UTRN: variants seen among roughly 807,000 people sequenced by gnomAD.
UTRN encodes the protein dystrophin-related protein 1.
In UTRN, 283 loss-of-function variants were observed where a neutral mutation model predicts 463.9. The ratio of observed to expected loss-of-function variants is 0.61; its 90% confidence interval spans 0.55 to 0.67. The LOEUF is 0.67. Ranked by LOEUF, UTRN falls within the 30% of genes least tolerant of loss-of-function variation. The pLI is 0.00. For synonymous variants in UTRN, 1,442 were observed against 1,431.5 expected (o/e 1.01, Z -0.17); for missense variants, 3,922 against 4,084.3 (o/e 0.96, Z 1.08).
intron 2 of UTRN, among the ~76,000 whole-genome samples, chr6:144,317,989 G>A (rs1251211812): frequency 6.6e-6 from 1 of 151,874 alleles, no homozygotes; most frequent in Non-Finnish European, 1.5e-5. Flanking sequence ...CCTCACGACT[G>A]TATGTTTCAC....
chr6:144,793,165 A>AAT (rs555362048), intron 62 of UTRN, among the ~76,000 whole-genome samples: 12 of 152,284 alleles, frequency 7.9e-5, no homozygotes, highest in South Asian at 2.1e-4. Flanking sequence ...AATAAGTTAT[A>AAT]ATATATATAC....
chr6:144,521,584 T>C (rs1321229655), intron 39 of UTRN, among the ~76,000 whole-genome samples: 1 of 152,148 alleles, frequency 6.6e-6, no homozygotes, highest in Non-Finnish European at 1.5e-5. Context: ...TTTAAAATTG[T>C]GATATTTTTA....
chr6:144,300,106 C>T (rs558968296), intron 2 of UTRN, among the ~76,000 whole-genome samples: 92 of 147,634 alleles, frequency 6.2e-4, no homozygotes, highest in Non-Finnish European at 1.1e-3. Context: ...TTTTTTGAGC[C>T]GTAGTCTTCC....
intron 50 of UTRN, among the ~76,000 whole-genome samples, chr6:144,570,518 C>T (rs1490700276): frequency 6.6e-6 from 1 of 152,132 alleles, no homozygotes; most frequent in African/African-American, 2.4e-5. Flanking sequence ...ATCCAAAATC[C>T]ATATTTTTTT....
chr6:144,706,826 T>C (rs1785147902), intron 53 of UTRN: 2 of 152,296 alleles, frequency 1.3e-5, no homozygotes, highest in South Asian at 4.1e-4. Flanking sequence ...TGCTAAATTC[T>C]CCACTACAAT....
chr6:144,755,003 C>T (rs142348774), intron 57 of UTRN, among the ~76,000 whole-genome samples: 5 of 152,054 alleles, frequency 3.3e-5, no homozygotes, highest in Admixed American at 6.6e-5. Flanking sequence ...CAAGGTGGAA[C>T]AGAAATGAAC....
chr6:144,561,675 A>C (rs1284780115), intron 50 of UTRN, among the ~76,000 whole-genome samples: 1 of 152,136 alleles, frequency 6.6e-6, no homozygotes, highest in Non-Finnish European at 1.5e-5. Context: ...TTCTGTGCTA[A>C]CCTATAGGAA....
intron 38 of UTRN, 58 bp from the exon 39 acceptor site, chr6:144,516,753 G>T: frequency 7.5e-7 from 1 of 1,339,236 alleles, no homozygotes; most frequent in East Asian, 2.7e-5. Flanking sequence ...GAGTTGATAG[G>T]AAGTGACCTT....
chr6:144,382,716 G>T (rs920402976), intron 2 of UTRN, among the ~76,000 whole-genome samples: 2 of 152,198 alleles, frequency 1.3e-5, no homozygotes, highest in Non-Finnish European at 2.9e-5. Context: ...TACCTTATAA[G>T]GCTGTTGGGA....
chr6:144,290,879 A>G (rs556763023), intron 1 of UTRN, among the ~76,000 whole-genome samples: 1 of 146,904 alleles, frequency 6.8e-6, no homozygotes, highest in African/African-American at 2.5e-5. Flanking sequence ...ATTCTCCTGC[A>G]TTAGCCTCCT....
chr6:144,529,980 A>G (rs1461443874), intron 41 of UTRN, among the ~76,000 whole-genome samples: 1 of 152,162 alleles, frequency 6.6e-6, no homozygotes, highest in Non-Finnish European at 1.5e-5. Context: ...GCCATCTTTA[A>G]AAGAGTTTGG....
chr6:144,798,134 A>G, intron 64 of UTRN, 144 bp downstream of exon 64: 1 of 1,091,188 alleles, frequency 9.2e-7, no homozygotes, highest in Middle Eastern at 2.5e-4. Flanking sequence ...TCATCTATCT[A>G]AAAGTAGCAT....
At chr6:144,535,684 G>T (rs962434086) in intron 43 of UTRN, among the ~76,000 whole-genome samples, 2 of 152,200 alleles carry the variant, frequency 1.3e-5, no homozygotes, top group East Asian at 1.9e-4. Flanking sequence ...TATATATGTT[G>T]TTAACAAAGT....
chr6:144,358,937 T>G (rs560471840), intron 2 of UTRN, among the ~76,000 whole-genome samples: 43 of 152,350 alleles, frequency 2.8e-4, no homozygotes, highest in Non-Finnish European at 5.3e-4. Context: ...ATTTCTAATT[T>G]TAGTTCTGGT....
In UTRN at chr6:144,449,995, G is replaced by C. The variant is rs1035735221; in HGVS notation, c.2072+1226G>C. On this transcript the variant is annotated intron_variant, in intron 17 of 74. Coordinates refer to ENST00000367545, the MANE Select transcript of UTRN (RefSeq NM_007124.3). Reference sequence around the variant, plus strand: ...ACATAAAACACTTAGAAAGGGGCCGGGTAGAAGGCCAGCAATCAGTGATCG... The same window carrying C: ...ACATAAAACACTTAGAAAGGGGCCGCGTAGAAGGCCAGCAATCAGTGATCG... Among the ~76,000 whole-genome samples, 6 of 152,100 alleles carry C rather than the reference G, an allele frequency of 3.9e-5. No homozygotes were observed. In the East Asian group the frequency reaches 1.2e-3, roughly 29 times the overall value.
intron 52 of UTRN, among the ~76,000 whole-genome samples, chr6:144,694,973 CTTT>C (rs66962922): frequency 3.6e-5 from 5 of 138,488 alleles, no homozygotes; most frequent in East Asian, 2.1e-4. Flanking sequence ...TGCAGGTGGC[CTTT>C]TTTTTTTTTT....
chr6:144,840,489 A>T (rs1781471945), intron 72 of UTRN, among the ~76,000 whole-genome samples: 2 of 152,224 alleles, frequency 1.3e-5, no homozygotes, highest in Non-Finnish European at 2.9e-5. Flanking sequence ...CATATTTTTC[A>T]GTCCCCTGGT....
intron 23 of UTRN, among the ~76,000 whole-genome samples, chr6:144,467,342 C>G (rs1790058838): frequency 6.6e-6 from 1 of 152,242 alleles, no homozygotes; most frequent in African/African-American, 2.4e-5. Context: ...TTCACAATGA[C>G]CCATCTCAGG....
At chr6:144,796,324 T>A (rs1264974460) in intron 63 of UTRN, among the ~76,000 whole-genome samples, 1 of 152,160 alleles carries the variant, frequency 6.6e-6, no homozygotes, top group Non-Finnish European at 1.5e-5. Flanking sequence ...TCCTAAAGGC[T>A]CTACCTCCTC....
Sources: gnomAD v4.1 joint callset for allele counts (sites outside exome capture counted in the v4.1 genomes callset) on GRCh38, gnomAD v4.1.1 for gene constraint, MANE v1.5 for transcripts, NCBI Gene and HGNC (gene_info 2026-07-23, HGNC 2026-07-21) for gene names.